The following MAN1A2 variants were observed in gnomAD, a reference collection of about 807,000 sequenced individuals.
MAN1A2 encodes the protein mannosyl-oligosaccharide 1,2-alpha-mannosidase IB.
In MAN1A2, 26 loss-of-function variants were observed where a neutral mutation model predicts 75.7. The observed-to-expected ratio is 0.34, with a 90% CI of 0.25 to 0.48. The LOEUF is 0.48. MAN1A2 is among the 20% of genes least tolerant of loss of function. MAN1A2 has a pLI of 0.99. For synonymous variants in MAN1A2, 247 were observed against 264.6 expected (o/e 0.93, Z 0.65); for missense variants, 562 against 775.5 (o/e 0.72, Z 3.27).
chr1:117,368,630 TA>T (rs1652851291), intron 1 of MAN1A2, 145 bp downstream of exon 1: 1 of 729,660 alleles, frequency 1.4e-6, no homozygotes, highest in Non-Finnish European at 2.2e-6. Context: ...ACTGGCTGAA[TA>T]AAACCATAGA....
At chr1:117,507,587 T>TATA (rs1392080097) in intron 12 of MAN1A2, among the ~76,000 whole-genome samples, 1 of 151,770 alleles carries the variant, frequency 6.6e-6, no homozygotes, top group Non-Finnish European at 1.5e-5. Flanking sequence ...AGATTAAATG[T>TATA]ATAGACTGTT....
chr1:117,373,128 G>A lies in MAN1A2; in HGVS notation c.302+4643G>A, dbSNP rs1473317301. On this transcript the variant is annotated intron_variant, in intron 1 of 12. Transcript: ENST00000356554. ...CAGTGTGCTTTAGTGAGTTTCTCAA[G>A]TTCTTCATGTTATGATTCGTGTTTT... 2.6e-5 allele frequency among the ~76,000 whole-genome samples: 4 copies of A among 151,630 alleles called. No individual in the cohort carries two copies. In the South Asian group the frequency reaches 6.2e-4, roughly 24 times the overall value.
intron 5 of MAN1A2, among the ~76,000 whole-genome samples, chr1:117,432,110 A>G (rs973723900): frequency 6.6e-6 from 1 of 152,266 alleles, no homozygotes; most frequent in Admixed American, 6.5e-5. Flanking sequence ...AAAATATTAC[A>G]AAGTTGATTC....
intron 12 of MAN1A2, among the ~76,000 whole-genome samples, chr1:117,519,913 G>C (rs552799402): frequency 6.6e-6 from 1 of 152,070 alleles, no homozygotes; most frequent in South Asian, 2.1e-4. Context: ...TGATGAACCA[G>C]ATGCCAAAAT....
At chr1:117,456,858 T>C (rs1053969591) in intron 6 of MAN1A2, among the ~76,000 whole-genome samples, 1 of 152,050 alleles carries the variant, frequency 6.6e-6, no homozygotes, top group Non-Finnish European at 1.5e-5. Context: ...CATTGAAGTA[T>C]ACAATATAAA....
At chr1:117,482,501 CT>C (rs1650531892) in intron 8 of MAN1A2, among the ~76,000 whole-genome samples, 1 of 151,954 alleles carries the variant, frequency 6.6e-6, no homozygotes, top group Non-Finnish European at 1.5e-5. Context: ...TGTCTGTTGG[CT>C]GCATATACAG....
At chr1:117,440,558 T>C (rs1648997045) in intron 5 of MAN1A2, among the ~76,000 whole-genome samples, 1 of 152,100 alleles carries the variant, frequency 6.6e-6, no homozygotes, top group Admixed American at 6.6e-5. Flanking sequence ...ATATACTATG[T>C]AAGGGATTTT....
At chr1:117,397,161 T>G (rs1653929225) in intron 1 of MAN1A2, among the ~76,000 whole-genome samples, 1 of 152,186 alleles carries the variant, frequency 6.6e-6, no homozygotes, top group Admixed American at 6.5e-5. Context: ...TAGTTGATAT[T>G]GGTTCTTCTG....
chr1:117,517,413 C>T (rs1416978478), intron 12 of MAN1A2, among the ~76,000 whole-genome samples: 1 of 152,000 alleles, frequency 6.6e-6, no homozygotes, highest in Non-Finnish European at 1.5e-5. Context: ...AACTATGTTC[C>T]CTCTATTCAA....
intron 1 of MAN1A2, among the ~76,000 whole-genome samples, chr1:117,375,137 C>T (rs1353053509): frequency 5.3e-5 from 8 of 152,130 alleles, no homozygotes; most frequent in African/African-American, 7.2e-5. Flanking sequence ...ATCAATTACA[C>T]GTCTTCACCT....
At chr1:117,453,803 C>T (rs912536119) in intron 6 of MAN1A2, among the ~76,000 whole-genome samples, 1 of 152,200 alleles carries the variant, frequency 6.6e-6, no homozygotes, top group Admixed American at 6.5e-5. Context: ...AACAGCATCA[C>T]ATGCTACAGA....
intron 12 of MAN1A2, among the ~76,000 whole-genome samples, chr1:117,522,158 C>T (rs1570810846): frequency 6.6e-6 from 1 of 151,876 alleles, no homozygotes; most frequent in East Asian, 1.9e-4. Context: ...CCAAATACCA[C>T]CTGTACCCCA....
At chr1:117,419,140 A>G (rs1184836023) in intron 4 of MAN1A2, among the ~76,000 whole-genome samples, 1 of 146,884 alleles carries the variant, frequency 6.8e-6, no homozygotes, top group Non-Finnish European at 1.5e-5. Flanking sequence ...GTTGTAGGGG[A>G]TCTGAGCATG....
rs771578106 is a variant in MAN1A2 at position 117,525,125 on chromosome 1, T to A, written c.*2168T>A. 6 of 529,012 alleles carry A rather than the reference T, an allele frequency of 1.1e-5. No homozygotes were observed. Among genetic ancestry groups the A allele is most frequent in the African/African-American group, 5.8e-5 (3 of 51,832 alleles). 32.8% of individuals were successfully genotyped at this position (529,012 alleles called of 1,614,324 possible). Reference sequence around the variant, plus strand: ...GGGATGAGGAGACAGAACCCCTACTTCCAAGTGCTCTATTTGTATTACCCA... The same window carrying A: ...GGGATGAGGAGACAGAACCCCTACTACCAAGTGCTCTATTTGTATTACCCA... On this transcript the variant is annotated 3_prime_UTR_variant, in exon 13 of 13. Transcript: ENST00000356554.
intron 10 of MAN1A2, among the ~76,000 whole-genome samples, chr1:117,498,949 C>T (rs2101879012): frequency 6.6e-6 from 1 of 151,716 alleles, no homozygotes; most frequent in African/African-American, 2.4e-5. Flanking sequence ...AAAATGTTTC[C>T]TTATATGTGT....
intron 12 of MAN1A2, among the ~76,000 whole-genome samples, chr1:117,511,505 C>T (rs1344162770): frequency 6.6e-6 from 1 of 151,750 alleles, no homozygotes; most frequent in Non-Finnish European, 1.5e-5. Context: ...ATCTATCTTC[C>T]AGTAGAATGT....
chr1:117,420,812 T>C (rs903718112), intron 5 of MAN1A2, among the ~76,000 whole-genome samples, 163 bp downstream of exon 5: 4 of 152,038 alleles, frequency 2.6e-5, no homozygotes, highest in Non-Finnish European at 5.9e-5. Context: ...AATAATAATT[T>C]TTCCATTTTG....
At chr1:117,430,035 A>ACC (rs1430346392) in intron 5 of MAN1A2, among the ~76,000 whole-genome samples, 1 of 29,786 alleles carries the variant, frequency 3.4e-5, no homozygotes, top group Non-Finnish European at 6.4e-5. Context: ...TGGGGGGCTG[A>ACC]CCCCCCCACC....
chr1:117,416,257 TTATC>T (rs1465534459), intron 4 of MAN1A2, among the ~76,000 whole-genome samples: 2 of 152,158 alleles, frequency 1.3e-5, no homozygotes, highest in African/African-American at 4.8e-5. Flanking sequence ...GCTTTTTTCT[TTATC>T]CATATGTCAA....
Sources: allele counts gnomAD v4.1 joint callset (sites outside exome capture counted in the v4.1 genomes callset), GRCh38; gene constraint gnomAD v4.1.1; transcripts MANE v1.5; gene names NCBI Gene and HGNC (gene_info 2026-07-23, HGNC 2026-07-21).